Variants in SLC1A3 observed in about 807,000 individuals in gnomAD.
The protein encoded by SLC1A3 is solute carrier family 1 member 3.
Under a neutral mutation model 48.1 loss-of-function variants are expected in SLC1A3, and 21 were observed. The ratio of observed to expected loss-of-function variants is 0.44; its 90% confidence interval spans 0.31 to 0.63. The LOEUF (loss-of-function observed/expected upper bound fraction) is 0.63, where lower values mean the gene tolerates loss of function less well. SLC1A3 is among the 20% of genes least tolerant of loss of function. The pLI, the probability that SLC1A3 is intolerant of heterozygous loss-of-function variation, is 0.08. For synonymous variants in SLC1A3, 239 were observed against 251.4 expected (o/e 0.95, Z 0.47); for missense variants, 546 against 689.0 (o/e 0.79, Z 2.32).
intron 2 of SLC1A3, 56 bp downstream of exon 2, chr5:36,608,660 G>T: frequency 6.2e-7 from 1 of 1,604,186 alleles, no homozygotes; most frequent in Admixed American, 1.7e-5. Flanking sequence ...TGGGGCATCT[G>T]GCTGCCCGGG....
chr5:36,652,793 C>A (rs1008612006), intron 3 of SLC1A3, among the ~76,000 whole-genome samples: 4 of 152,214 alleles, frequency 2.6e-5, no homozygotes, highest in African/African-American at 9.7e-5. Flanking sequence ...TTCTTAGCGA[C>A]ATTACATACC....
chr5:36,647,506 T>G (rs951932506), intron 3 of SLC1A3, among the ~76,000 whole-genome samples: 4 of 152,244 alleles, frequency 2.6e-5, no homozygotes, highest in African/African-American at 9.6e-5. Context: ...CCTTTGGCAT[T>G]CAAAATGATC....
chr5:36,622,856 C>T (rs1462999701), intron 2 of SLC1A3, among the ~76,000 whole-genome samples: 1 of 151,002 alleles, frequency 6.6e-6, no homozygotes, highest in Non-Finnish European at 1.5e-5. Flanking sequence ...AAAAAAAATA[C>T]AAAAAATTAG....
chr5:36,657,451 G>T (rs906422261), intron 3 of SLC1A3, among the ~76,000 whole-genome samples: 1 of 152,010 alleles, frequency 6.6e-6, no homozygotes, highest in African/African-American at 2.4e-5. Flanking sequence ...AGTGTTTAAG[G>T]CTCCATGTCA....
intron 8 of SLC1A3, among the ~76,000 whole-genome samples, chr5:36,681,495 C>A (rs951097810): frequency 1.3e-5 from 2 of 152,192 alleles, no homozygotes; most frequent in African/African-American, 4.8e-5. Flanking sequence ...TGACAGACCA[C>A]ACTGACAAGT....
chr5:36,619,202 G>A (rs542029802), intron 2 of SLC1A3, among the ~76,000 whole-genome samples: 2 of 152,198 alleles, frequency 1.3e-5, no homozygotes, highest in Non-Finnish European at 2.9e-5. Context: ...ACAGAGGAGT[G>A]GGGGAGGGTT....
rs1742715392 is a variant in SLC1A3, at chr5:36,687,779, C to T, written c.*1510C>T. On this transcript the variant is annotated 3_prime_UTR_variant, in exon 10 of 10. Transcript: ENST00000265113. Reference sequence around the variant, plus strand: ...CAATGAGGTTATGAGAAAAAAACAGCAGGGGCATTAGTTTCAGGCAAGGCA... The same window carrying T: ...CAATGAGGTTATGAGAAAAAAACAGTAGGGGCATTAGTTTCAGGCAAGGCA... 1 of 152,588 alleles carries T rather than the reference C, an allele frequency of 6.6e-6. No individual in the cohort carries two copies. Among genetic ancestry groups the T allele is most frequent in the Admixed American group, 6.5e-5 (1 of 15,280 alleles). The allele number at this position is 152,588 out of a possible 1,614,324, so 9.5% of individuals were successfully genotyped here. A position where few individuals can be genotyped will look rare whatever the true frequency, so the allele number is the denominator to read the frequency against.
intron 3 of SLC1A3, among the ~76,000 whole-genome samples, chr5:36,648,760 C>G (rs1740937105): frequency 6.6e-6 from 1 of 152,174 alleles, no homozygotes; most frequent in Admixed American, 6.5e-5. Context: ...TTCCCTTCAA[C>G]TACATACATT....
intron 1 of SLC1A3, among the ~76,000 whole-genome samples, chr5:36,607,833 G>T: frequency 6.6e-6 from 1 of 152,040 alleles, no homozygotes; most frequent in East Asian, 1.9e-4. Flanking sequence ...GAAAATAGCT[G>T]GTTACTTTAC....
intron 3 of SLC1A3, among the ~76,000 whole-genome samples, chr5:36,640,468 C>G (rs1740571501): frequency 6.6e-6 from 1 of 152,170 alleles, no homozygotes; most frequent in African/African-American, 2.4e-5. Flanking sequence ...TATAGGCTTG[C>G]CATCTTTGTG....
intron 3 of SLC1A3, among the ~76,000 whole-genome samples, chr5:36,635,152 C>A (rs948722063): frequency 6.6e-6 from 1 of 151,500 alleles, no homozygotes; most frequent in African/African-American, 2.4e-5. Flanking sequence ...CCCCCCTCAA[C>A]ACCTACCCGT....
At chr5:36,649,714 A>G (rs1033153287) in intron 3 of SLC1A3, among the ~76,000 whole-genome samples, 2 of 152,260 alleles carry the variant, frequency 1.3e-5, no homozygotes, top group African/African-American at 2.4e-5. Context: ...CGGTCTCAAT[A>G]TACTTATGGG....
In SLC1A3 at chr5:36,645,215, G is replaced by C. The variant is rs192423976; in HGVS notation, c.319+15628G>C. Among the ~76,000 whole-genome samples, 18 of 151,246 alleles carry C rather than the reference G, an allele frequency of 1.2e-4. No individual in the cohort carries two copies. The East Asian group carries it at 3.5e-3, about 29-fold the overall frequency. The stretch of plus-strand genomic sequence containing the variant: ...TGGAGGTAACTGCACTTGAGTATCT[G>C]CAAGGAGAGCCCCTCAAGTTCTGTT... On this transcript the variant is annotated intron_variant, in intron 3 of 9. Transcript: ENST00000265113.
chr5:36,676,764 T>G, intron 5 of SLC1A3, 128 bp from the exon 6 acceptor site: 2 of 720,216 alleles, frequency 2.8e-6, no homozygotes, highest in South Asian at 3.8e-5. Context: ...AGAGACTTTC[T>G]ATAACACTCA....
intron 7 of SLC1A3, 65 bp from the exon 8 acceptor site, chr5:36,680,330 C>T (rs1561284849): frequency 1.8e-5 from 25 of 1,403,864 alleles, no homozygotes; most frequent in Non-Finnish European, 2.2e-5. Flanking sequence ...TCCCAAAGAC[C>T]AAACGCACAG....
rs542091221 is a variant in SLC1A3 at position 36,618,502 on chromosome 5, A to G, written c.181+9898A>G. On this transcript the variant is annotated intron_variant, in intron 2 of 9. Transcript: ENST00000265113. Reference sequence around the variant, plus strand: ...TCTTAGGGGATGCAACCTGTCCACAAATAATTCCCCAGAATACTGGTGCTA... The same window carrying G: ...TCTTAGGGGATGCAACCTGTCCACAGATAATTCCCCAGAATACTGGTGCTA... Among the ~76,000 whole-genome samples, 9 of 152,278 alleles carry G rather than the reference A, an allele frequency of 5.9e-5. No individual in the cohort carries two copies. The East Asian group carries it at 1.7e-3, about 29-fold the overall frequency.
chr5:36,664,627 A>G (rs1741659286), intron 3 of SLC1A3, among the ~76,000 whole-genome samples: 1 of 152,158 alleles, frequency 6.6e-6, no homozygotes, highest in Non-Finnish European at 1.5e-5. Flanking sequence ...CATGTGACAC[A>G]CTGTGATATT....
intron 3 of SLC1A3, among the ~76,000 whole-genome samples, chr5:36,637,151 C>T (rs1386101853): frequency 6.6e-6 from 1 of 152,200 alleles, no homozygotes; most frequent in South Asian, 2.1e-4. Flanking sequence ...GCTCCCAGAG[C>T]TGATCCTGGT....
intron 3 of SLC1A3, among the ~76,000 whole-genome samples, chr5:36,639,251 T>C (rs1338053886): frequency 6.6e-6 from 1 of 152,234 alleles, no homozygotes; most frequent in African/African-American, 2.4e-5. Context: ...ATAATAGTAG[T>C]ATCTACCTCA....
Sources: gnomAD v4.1 joint callset for allele counts (sites outside exome capture counted in the v4.1 genomes callset) on GRCh38, gnomAD v4.1.1 for gene constraint, MANE v1.5 for transcripts, NCBI Gene and HGNC (gene_info 2026-07-23, HGNC 2026-07-21) for gene names.